Variants in CIB2 observed in about 807,000 individuals in gnomAD.
CIB2 encodes calcium and integrin-binding family member 2.
Under a neutral mutation model 23.1 loss-of-function variants are expected in CIB2, and 19 were observed. That is an observed-to-expected ratio of 0.82 (90% CI 0.57 to 1.21). The LOEUF (loss-of-function observed/expected upper bound fraction) is 1.21. CIB2 is among the 50% of genes most tolerant of loss of function. CIB2 has a pLI of 0.00. For missense variants in CIB2, 220 were observed against 241.5 expected (o/e 0.91, Z 0.59); for synonymous variants, 94 against 91.7 (o/e 1.03, Z -0.14).
intron 1 of CIB2, among the ~76,000 whole-genome samples, chr15:78,126,144 C>CG (rs1478147857): frequency 6.9e-6 from 1 of 143,908 alleles, no homozygotes; most frequent in African/African-American, 2.8e-5. Flanking sequence ...TCCCCTGCCC[C>CG]CCCCCCTTTT....
chr15:78,107,555 G>A (rs1028770618), intron 4 of CIB2, among the ~76,000 whole-genome samples: 2 of 152,184 alleles, frequency 1.3e-5, no homozygotes, highest in Admixed American at 6.5e-5. Flanking sequence ...GCCAGACTAG[G>A]AGGGCCCTGG....
rs1596350882 is a variant in CIB2 at position 78,111,265 on chromosome 15, C to T, written c.98G>A (p.Arg33Gln). 3.1e-6 allele frequency: 5 copies of T among 1,613,778 alleles called. No individual in the cohort carries two copies. The highest frequency in any genetic ancestry group is 3.4e-6 in the Non-Finnish European group (4 of 1,179,896). Reference protein sequence around the residue: ...NKKDILKLHSRFYELAPNLVP... With the variant: ...NKKDILKLHSQFYELAPNLVP... ...GAGGTTGGGGGCCAGCTCATAGAAT[C>T]GCGAATGCAGCCTTGGAGGAAAGCA... is the stretch of plus-strand genomic sequence containing the variant. Residue 33 changes from arginine to glutamine, a missense_variant, in exon 3 of 6, where the codon CGA becomes CAA. Transcript: ENST00000258930.
In CIB2 at chr15:78,109,190, G is replaced by GT. The variant is rs757841493; in HGVS notation, c.346+44dup. On this transcript the variant is annotated intron_variant, in intron 4 of 5. Transcript: ENST00000258930. ...ACCAGACAGCCTAAGGGCCCCACAT[G>GT]TTCCCCCACCGCATATTCAGGCCCC... 111 of 1,330,574 alleles carry GT rather than the reference G, an allele frequency of 8.3e-5. 3 individuals are homozygous for GT. The highest frequency in any genetic ancestry group is 4.7e-4 in the South Asian group (37 of 78,482). The allele number at this position is 1,330,574 out of a possible 1,614,324, so 82.4% of individuals were successfully genotyped here.
chr15:78,105,065 G>A lies in CIB2; in HGVS notation c.*246C>T. On this transcript the variant is annotated 3_prime_UTR_variant, in exon 6 of 6. Coordinates refer to ENST00000258930, the MANE Select transcript of CIB2 (RefSeq NM_006383.4). ...AAAGGACTGGGGCATGGGGCGGGGT[G>A]CGGAGGGCCTGGAGAGAGGCCATGG... 2 of 537,352 alleles carry A rather than the reference G, an allele frequency of 3.7e-6. No homozygotes were observed. The highest frequency in any genetic ancestry group is 6.7e-6 in the Non-Finnish European group (2 of 298,276). The allele number at this position is 537,352 out of a possible 1,614,324, so 33.3% of individuals were successfully genotyped here. A position where few individuals can be genotyped will look rare whatever the true frequency, so the allele number is the denominator to read the frequency against.
chr15:78,120,758 C>G, intron 2 of CIB2: 1 of 985,472 alleles, frequency 1.0e-6, no homozygotes, highest in Non-Finnish European at 1.2e-6. Flanking sequence ...GGGCCCCAAC[C>G]TGCAAAGAAA....
intron 1 of CIB2, among the ~76,000 whole-genome samples, chr15:78,127,728 A>G (rs1464037135): frequency 6.6e-6 from 1 of 152,138 alleles, no homozygotes; most frequent in Non-Finnish European, 1.5e-5. Flanking sequence ...TCTAATGGAA[A>G]TGGCTCTCCA....
intron 4 of CIB2, among the ~76,000 whole-genome samples, chr15:78,108,828 C>T (rs1201728185): frequency 2.0e-5 from 3 of 152,062 alleles, no homozygotes; most frequent in African/African-American, 7.2e-5. Flanking sequence ...ACTCATACCG[C>T]CCCCTGTCCC....
Position 78,131,071 on chromosome 15 carries a change from G to C in CIB2, c.51+94C>G. 2.6e-6 allele frequency: 3 copies of C among 1,157,726 alleles called. No homozygotes were observed. The highest frequency in any genetic ancestry group is 2.4e-6 in the Non-Finnish European group (2 of 828,198). 71.7% of individuals were successfully genotyped at this position (1,157,726 alleles called of 1,614,324 possible). A position where few individuals can be genotyped will look rare whatever the true frequency, so the allele number is the denominator to read the frequency against. On this transcript the variant is annotated intron_variant, in intron 1 of 5. Transcript: ENST00000258930. The surrounding 1 kb of genome is among the most constrained non-coding windows in gnomAD (Gnocchi z 5.8). ...AGAGGCAGGGTTTGAACCTGGGAGA[G>C]CTGGCTCTCGGGAGGCCTCGGCCAG...
intron 2 of CIB2, among the ~76,000 whole-genome samples, chr15:78,114,769 T>C (rs969751381): frequency 1.4e-5 from 2 of 144,930 alleles, no homozygotes; most frequent in East Asian, 3.9e-4. Flanking sequence ...TGAGACCATG[T>C]CTCTACAAAA....
Position 78,105,174 on chromosome 15 carries a change from T to C in CIB2, c.*137A>G. ...TTCCTGGTTAAGGTTTTTTTTTTGC[T>C]GAAAGGGCCACAGGATATATTTGTG... On this transcript the variant is annotated 3_prime_UTR_variant, in exon 6 of 6. Coordinates refer to ENST00000258930, the MANE Select transcript of CIB2 (RefSeq NM_006383.4). The C allele has an allele frequency of 8.3e-7, 1 of 1,207,768 alleles. No homozygotes were observed. The highest frequency in any genetic ancestry group is 1.4e-5 in the South Asian group (1 of 72,756). The allele number at this position is 1,207,768 out of a possible 1,614,324, so 74.8% of individuals were successfully genotyped here. A position where few individuals can be genotyped will look rare whatever the true frequency, so the allele number is the denominator to read the frequency against.
chr15:78,129,313 A>G (rs2141922830), intron 1 of CIB2, among the ~76,000 whole-genome samples: 1 of 152,186 alleles, frequency 6.6e-6, no homozygotes, highest in African/African-American at 2.4e-5. Flanking sequence ...GGGTCTAGCT[A>G]GGCTCTGGCA....
In CIB2 at chr15:78,111,226, T is replaced by C. The variant is rs751434719; in HGVS notation, c.137A>G (p.Tyr46Cys). The change falls in exon 3 of 6, where the codon TAC becomes TGC. Residue 46 changes from tyrosine to cysteine, a missense_variant. Physicochemically the swap from Tyr to Cys is radical, Grantham distance 194 (BLOSUM62 -2). Transcript: ENST00000258930. Reference sequence around the variant, plus strand: ...CACGTGGACGATGGGGCTCTTCCTGTAGTCCATTGGGACGAGGTTGGGGGC... The same window carrying C: ...CACGTGGACGATGGGGCTCTTCCTGCAGTCCATTGGGACGAGGTTGGGGGC... ...ELAPNLVPMD[Y>C]RKSPIVHVPM... 1 of 1,614,170 alleles carries C rather than the reference T, an allele frequency of 6.2e-7. No homozygotes were observed. Among genetic ancestry groups the C allele is most frequent in the Admixed American group, 1.7e-5 (1 of 60,016 alleles).
intron 2 of CIB2, among the ~76,000 whole-genome samples, chr15:78,121,031 C>T (rs1224517217): frequency 6.6e-6 from 1 of 152,134 alleles, no homozygotes; most frequent in Middle Eastern, 3.2e-3. Context: ...TCATGCTGGC[C>T]TCTCCACAGA....
In CIB2 at chr15:78,131,218, T is replaced by A. The variant is rs770791635; in HGVS notation, c.-3A>T. ...AAGATGGTCTGCTTGTTCCCCATGG[T>A]GGCCGCCGCGCCGCCGCTCGCCCGC... On this transcript the variant is annotated 5_prime_UTR_variant, in exon 1 of 6. Coordinates refer to ENST00000258930, the MANE Select transcript of CIB2 (RefSeq NM_006383.4). This position sits in a 1 kb window ranked among gnomAD's most constrained non-coding sequence, Gnocchi z 5.8. 10 of 1,501,146 alleles carry A rather than the reference T, an allele frequency of 6.7e-6. No individual in the cohort carries two copies. The South Asian group carries it at 1.1e-4, about 17-fold the overall frequency. The allele number at this position is 1,501,146 out of a possible 1,614,324, so 93.0% of individuals were successfully genotyped here.
chr15:78,112,152 C>T (rs149935022), intron 2 of CIB2, among the ~76,000 whole-genome samples: 21 of 152,330 alleles, frequency 1.4e-4, no homozygotes, highest in Non-Finnish European at 2.4e-4. Context: ...CACTTGGAAG[C>T]TCCCTTCCTC....
In CIB2 at chr15:78,109,215, CCTCCT is replaced by C; in HGVS notation, c.346+15_346+19del. On this transcript the variant is annotated intron_variant, in intron 4 of 5. Transcript: ENST00000258930. ...GTTCCCCCACCGCATATTCAGGCCCCCTCCTCTAGCCCTGGTTACCATAGATCTTG... is the reference window on the plus strand; with the variant it reads ...GTTCCCCCACCGCATATTCAGGCCCCCTAGCCCTGGTTACCATAGATCTTG... 1.6e-6 allele frequency: 2 copies of C among 1,281,492 alleles called. No individual in the cohort carries two copies. Among genetic ancestry groups the C allele is most frequent in the Non-Finnish European group, 2.2e-6 (2 of 922,074 alleles). 79.4% of individuals were successfully genotyped at this position (1,281,492 alleles called of 1,614,324 possible).
intron 1 of CIB2, among the ~76,000 whole-genome samples, chr15:78,124,627 C>T (rs956017809): frequency 7.9e-5 from 12 of 152,138 alleles, no homozygotes; most frequent in African/African-American, 2.4e-4. Flanking sequence ...AATGCCCAAC[C>T]GTAAAGGGCT....
chr15:78,106,595 C>G (rs997672323), intron 4 of CIB2, among the ~76,000 whole-genome samples: 1 of 152,112 alleles, frequency 6.6e-6, no homozygotes, highest in Admixed American at 6.5e-5. Context: ...TTCAGAGGAC[C>G]GAGCCATGCC....
rs555734270 is a variant in CIB2, at chr15:78,121,400, G to A, written c.86+2305C>T. 3.8e-4 allele frequency among the ~76,000 whole-genome samples: 58 copies of A among 152,270 alleles called. 1 individual carries two copies. The highest frequency in any genetic ancestry group is 1.3e-3 in the African/African-American group (54 of 41,560). On this transcript the variant is annotated intron_variant, in intron 2 of 5. Transcript: ENST00000258930. ...GGGGAGCCAGGACGCCTCTCCTCAA[G>A]CCCTCTCACCTGCCTGGAGCCCCTC... is the stretch of plus-strand genomic sequence containing the variant.
Sources: allele counts gnomAD v4.1 joint callset (sites outside exome capture counted in the v4.1 genomes callset), GRCh38; gene constraint gnomAD v4.1.1; non-coding constraint Gnocchi (gnomAD v3.1); transcripts MANE v1.5; gene names NCBI Gene and HGNC (gene_info 2026-07-23, HGNC 2026-07-21).